IRAG1: variants seen among roughly 807,000 people sequenced by gnomAD.
The protein encoded by IRAG1 is IP3R-associated cGMP kinase substrate.
A neutral mutation model predicts 106.2 loss-of-function variants in IRAG1; 62 were observed. That is an observed-to-expected ratio of 0.58 (90% CI 0.48 to 0.72). The LOEUF (loss-of-function observed/expected upper bound fraction) is 0.72, where lower values mean the gene tolerates loss of function less well. IRAG1 is among the 30% of genes least tolerant of loss of function. The pLI is 0.00. For synonymous variants in IRAG1, 462 were observed against 443.9 expected (o/e 1.04, Z -0.51); for missense variants, 1,064 against 1,140.7 (o/e 0.93, Z 0.97).
chr11:10,680,970 G>A (rs12789511), intron 1 of IRAG1, among the ~76,000 whole-genome samples: 43,574 of 151,924 alleles, frequency 0.29, 6,465 homozygotes, highest in African/African-American at 0.31. Context: ...TTGTCCTCAG[G>A]GAGGGTCAGT....
intron 2 of IRAG1, among the ~76,000 whole-genome samples, chr11:10,637,572 C>T (rs1199853246): frequency 1.3e-5 from 2 of 152,076 alleles, no homozygotes; most frequent in Non-Finnish European, 2.9e-5. Context: ...AAAGAAATGA[C>T]GAATGTGTAT....
chr11:10,666,006 C>A (rs150963167), intron 1 of IRAG1, among the ~76,000 whole-genome samples: 1 of 152,272 alleles, frequency 6.6e-6, no homozygotes, highest in Non-Finnish European at 1.5e-5. Context: ...GCTCTCCCAA[C>A]AGCAAGCTTT....
At chr11:10,644,806 G>A (rs1012725847) in intron 2 of IRAG1, among the ~76,000 whole-genome samples, 1 of 152,118 alleles carries the variant, frequency 6.6e-6, no homozygotes, top group African/African-American at 2.4e-5. Flanking sequence ...CTTTTCTCTA[G>A]TCGGGCAGCA....
In IRAG1 at chr11:10,623,963, G is replaced by A. The variant is rs543465965; in HGVS notation, c.1369-107C>T. ...CGACCACTATCTTAGGTGGGAAAGC[G>A]GGGCAGCCTGAGAGGTGGGTGGGCA... is the stretch of plus-strand genomic sequence containing the variant. On this transcript the variant is annotated intron_variant, in intron 9 of 20. Transcript: ENST00000423302. 1.2e-4 allele frequency: 125 copies of A among 1,030,110 alleles called. No homozygotes were observed. The South Asian group carries it at 1.6e-3, about 13-fold the overall frequency. The allele number at this position is 1,030,110 out of a possible 1,614,324, so 63.8% of individuals were successfully genotyped here.
Position 10,693,550 on chromosome 11 carries a change from T to G in IRAG1, c.53A>C (p.Asn18Thr). ...GGGAGGCTTACCTAAAACTGAGTTA[T>G]TCTCCTTTCCTCCTCTGGCCAGCCT... is the stretch of plus-strand genomic sequence containing the variant. ...EERLARGGKENNSVLACGAQA... is the reference protein window; with the variant it reads ...EERLARGGKETNSVLACGAQA... The change falls in exon 1 of 21, where the codon AAT becomes ACT. Residue 18 changes from asparagine to threonine, a missense_variant. Physicochemically the swap from Asn to Thr is moderately conservative, Grantham distance 65. Coordinates refer to ENST00000423302, the MANE Select transcript of IRAG1 (RefSeq NM_130385.4). 6.5e-7 allele frequency: 1 copy of G among 1,535,632 alleles called. No homozygotes were observed.
intron 10 of IRAG1, among the ~76,000 whole-genome samples, chr11:10,612,323 C>G (rs912008592): frequency 6.6e-6 from 1 of 152,160 alleles, no homozygotes; most frequent in Non-Finnish European, 1.5e-5. Flanking sequence ...AAGATATGCC[C>G]CCGATTTGGT....
chr11:10,677,236 C>T (rs981101199), intron 1 of IRAG1, among the ~76,000 whole-genome samples: 1 of 152,232 alleles, frequency 6.6e-6, no homozygotes, highest in Non-Finnish European at 1.5e-5. Flanking sequence ...TTCTTACCTA[C>T]CTGCCAGATC....
intron 18 of IRAG1, among the ~76,000 whole-genome samples, chr11:10,586,294 T>G (rs1851980092): frequency 6.6e-6 from 1 of 152,134 alleles, no homozygotes; most frequent in Non-Finnish European, 1.5e-5. Flanking sequence ...AAATATCTTC[T>G]CTAACTATCT....
At chr11:10,629,849 G>T in intron 4 of IRAG1, 138 bp from the exon 5 acceptor site, 1 of 864,070 alleles carries the variant, frequency 1.2e-6, no homozygotes, top group Non-Finnish European at 1.7e-6. Flanking sequence ...GTGCCATCAA[G>T]AGGGTTGCAT....
intron 1 of IRAG1, among the ~76,000 whole-genome samples, chr11:10,680,606 G>A (rs1430992516): frequency 3.9e-5 from 6 of 152,030 alleles, no homozygotes; most frequent in African/African-American, 1.4e-4. Context: ...AACCCTCTTA[G>A]GTTAGAGGGT....
chr11:10,588,322 G>GT (rs1852255666), intron 18 of IRAG1, among the ~76,000 whole-genome samples: 2 of 151,988 alleles, frequency 1.3e-5, no homozygotes, highest in Non-Finnish European at 2.9e-5. Context: ...TACTTTAAAA[G>GT]TAAGTTCCTA....
chr11:10,601,726 G>A (rs889240923), intron 14 of IRAG1, among the ~76,000 whole-genome samples: 1 of 152,226 alleles, frequency 6.6e-6, no homozygotes, highest in Non-Finnish European at 1.5e-5. Flanking sequence ...CTCCCTTAAA[G>A]TAAGAGAGTA....
rs374871605 is a variant in IRAG1 at position 10,573,183 on chromosome 11, G to A, written c.*3149C>T. On this transcript the variant is annotated 3_prime_UTR_variant, in exon 21 of 21. Coordinates refer to ENST00000423302, the MANE Select transcript of IRAG1 (RefSeq NM_130385.4). ...ACCTGTGTGAGGCTTAACAACATGA[G>A]GAACTGATAGCCAGTGATACACAAA... 6.6e-6 allele frequency: 1 copy of A among 152,210 alleles called. No individual in the cohort carries two copies. The highest frequency in any genetic ancestry group is 2.4e-5 in the African/African-American group (1 of 41,434). The allele number at this position is 152,210 out of a possible 1,614,324, so 9.4% of individuals were successfully genotyped here. A position where few individuals can be genotyped will look rare whatever the true frequency, so the allele number is the denominator to read the frequency against.
chr11:10,651,674 G>T (rs1368959280), intron 2 of IRAG1, among the ~76,000 whole-genome samples: 2 of 151,756 alleles, frequency 1.3e-5, no homozygotes, highest in Non-Finnish European at 2.9e-5. Flanking sequence ...GCCTTTTCTC[G>T]TGCCCACTCA....
Position 10,580,163 on chromosome 11 carries a change from C to G in IRAG1, c.2495+292G>C, listed in dbSNP as rs77069521. On this transcript the variant is annotated intron_variant, in intron 20 of 20. Transcript: ENST00000423302. ...GGCTGGGAGGGACTCCATTCAGGGC[C>G]CTTCGCCCTTCCTTAGCTCCTGGAG... Among the ~76,000 whole-genome samples the G allele has an allele frequency of 6.9e-3, 1,048 of 152,264 alleles. 10 individuals carry two copies. The highest frequency in any genetic ancestry group is 0.024 in the African/African-American group (986 of 41,550).
chr11:10,687,170 C>A (rs1041506962), intron 1 of IRAG1, among the ~76,000 whole-genome samples: 25 of 152,208 alleles, frequency 1.6e-4, no homozygotes, highest in Non-Finnish European at 3.7e-4. Flanking sequence ...CTCGGCCCTG[C>A]CTGTCTCTCA....
chr11:10,591,560 GCAGGCAGTGCTGAAGTGA>G lies in IRAG1; in HGVS notation c.2210_2227del (p.Val737_Pro742del). The G allele has an allele frequency of 6.3e-7, 1 of 1,595,834 alleles. No individual in the cohort carries two copies. Among genetic ancestry groups the G allele is most frequent in the South Asian group, 1.1e-5 (1 of 87,492 alleles). Reference sequence around the variant, plus strand: ...TCGACAAACTTACTTTTCCAAAAGTGCAGGCAGTGCTGAAGTGACAGGTAGGCTGCCTTTCCCATTGGG... The same window carrying G: ...TCGACAAACTTACTTTTCCAAAAGTGCAGGTAGGCTGCCTTTCCCATTGGG... On this transcript the variant is annotated inframe_deletion, in exon 18 of 21. Coordinates refer to ENST00000423302, the MANE Select transcript of IRAG1 (RefSeq NM_130385.4).
At chr11:10,623,932 G>A in intron 9 of IRAG1, 76 bp from the exon 10 acceptor site, 1 of 1,377,764 alleles carries the variant, frequency 7.3e-7, no homozygotes, top group South Asian at 1.2e-5. Context: ...TCTGTCTATG[G>A]TTCTGCGACC....
At chr11:10,693,342 T>G (rs1161300001) in intron 1 of IRAG1, 194 bp downstream of exon 1, 1 of 1,123,378 alleles carries the variant, frequency 8.9e-7, no homozygotes, top group Non-Finnish European at 1.2e-6. Flanking sequence ...ACTGGCAAGA[T>G]TCACTTCTGA....
Sources: allele counts gnomAD v4.1 joint callset (sites outside exome capture counted in the v4.1 genomes callset), GRCh38; gene constraint gnomAD v4.1.1; transcripts MANE v1.5; gene names NCBI Gene and HGNC (gene_info 2026-07-23, HGNC 2026-07-21).